MAGI2: variants seen among roughly 807,000 people sequenced by gnomAD.
MAGI2 encodes membrane-associated guanylate kinase, WW and PDZ domain-containing protein 2.
MAGI2 carries 35 observed loss-of-function variants against 133.3 expected under a neutral mutation model. The ratio of observed to expected loss-of-function variants is 0.26; its 90% confidence interval spans 0.20 to 0.35. MAGI2 has a LOEUF of 0.35. MAGI2 is among the 10% of genes least tolerant of loss of function. MAGI2 has a pLI of 1.00. For synonymous variants in MAGI2, 729 were observed against 710.6 expected (o/e 1.03, Z -0.41); for missense variants, 1,636 against 1,863.4 (o/e 0.88, Z 2.25).
chr7:79,085,324 CTT>C (rs1450084216), intron 1 of MAGI2, among the ~76,000 whole-genome samples: 1 of 151,324 alleles, frequency 6.6e-6, no homozygotes, highest in Non-Finnish European at 1.5e-5. Flanking sequence ...ATTTTTGACT[CTT>C]TTTTCTAAAA....
intron 1 of MAGI2, among the ~76,000 whole-genome samples, chr7:79,328,039 C>T (rs139775361): frequency 0.01 from 1,532 of 152,250 alleles, 10 homozygotes; most frequent in Non-Finnish European, 0.016. Context: ...GTTTCAACTA[C>T]ATTTCAGTAG....
chr7:78,192,593 T>C (rs1828337561), intron 12 of MAGI2, among the ~76,000 whole-genome samples: 1 of 150,250 alleles, frequency 6.7e-6, no homozygotes, highest in Non-Finnish European at 1.5e-5. Context: ...TCAGAGAGAC[T>C]AGAGAAAGTG....
At chr7:78,751,604 A>G (rs1823467180) in intron 2 of MAGI2, among the ~76,000 whole-genome samples, 1 of 152,210 alleles carries the variant, frequency 6.6e-6, no homozygotes. Context: ...TTAGGAACAG[A>G]CTGCATGATA....
intron 3 of MAGI2, among the ~76,000 whole-genome samples, chr7:78,555,920 T>C (rs1334780834): frequency 6.6e-6 from 1 of 152,156 alleles, no homozygotes; most frequent in African/African-American, 2.4e-5. Context: ...TCTCAAATAC[T>C]AAAAGCACAT....
intron 9 of MAGI2, among the ~76,000 whole-genome samples, chr7:78,339,180 G>A (rs1790094560): frequency 6.6e-6 from 1 of 152,156 alleles, no homozygotes. Context: ...TATAGCCCTG[G>A]TGCACTGCAA....
rs73375243 is a variant in MAGI2, at chr7:78,918,681, C to T, written c.418+88409G>A. On this transcript the variant is annotated intron_variant, in intron 2 of 21. Transcript: ENST00000354212. ...CATTTTTGAAAAGGTTATATAACTA[C>T]TGGAGACAAAGTTAAGTTTTTCCAT... 9.5e-3 allele frequency among the ~76,000 whole-genome samples: 1,449 copies of T among 152,184 alleles called. 27 individuals carry two copies. The highest frequency in any genetic ancestry group is 0.033 in the African/African-American group (1,360 of 41,520).
intron 2 of MAGI2, among the ~76,000 whole-genome samples, chr7:78,867,372 G>T (rs1350940675): frequency 6.6e-6 from 1 of 150,444 alleles, no homozygotes; most frequent in Non-Finnish European, 1.5e-5. Flanking sequence ...AAAAAATGAT[G>T]AGTTCATGTC....
rs531639120 is a variant in MAGI2 at position 79,028,299 on chromosome 7, A to G, written c.302-21093T>C. ...TATGTATATATATATATATGTGTGT[A>G]TATATATATATATACACACATATAT... On this transcript the variant is annotated intron_variant, in intron 1 of 21. Coordinates refer to ENST00000354212, the MANE Select transcript of MAGI2 (RefSeq NM_012301.4). Among the ~76,000 whole-genome samples the G allele has an allele frequency of 9.9e-3, 842 of 84,996 alleles. 34 individuals carry two copies. The highest frequency in any genetic ancestry group is 0.044 in the African/African-American group (789 of 17,808). The allele number at this position is 84,996 out of a possible 152,430, so 55.8% of individuals were successfully genotyped here.
At chr7:79,038,228 AAGTC>A (rs1399734454) in intron 1 of MAGI2, among the ~76,000 whole-genome samples, 1 of 152,192 alleles carries the variant, frequency 6.6e-6, no homozygotes, top group Non-Finnish European at 1.5e-5. Flanking sequence ...TTTTACAAGA[AAGTC>A]AGGTAAAATG....
chr7:78,266,529 G>A (rs1794024312), intron 9 of MAGI2, among the ~76,000 whole-genome samples: 1 of 151,836 alleles, frequency 6.6e-6, no homozygotes, highest in South Asian at 2.1e-4. Context: ...CCAGAGGAAA[G>A]TAGAATTTAG....
chr7:79,123,992 T>C (rs1209400607), intron 1 of MAGI2, among the ~76,000 whole-genome samples: 1 of 152,122 alleles, frequency 6.6e-6, no homozygotes, highest in Non-Finnish European at 1.5e-5. Context: ...CTGTTGTTCT[T>C]CCCTCTAAAT....
intron 4 of MAGI2, among the ~76,000 whole-genome samples, chr7:78,514,208 C>T (rs1795849765): frequency 6.7e-6 from 1 of 150,338 alleles, no homozygotes; most frequent in Non-Finnish European, 1.5e-5. Context: ...TCCTGATTTC[C>T]CTTACTAAAA....
At chr7:78,912,479 G>T in intron 2 of MAGI2, among the ~76,000 whole-genome samples, 1 of 151,972 alleles carries the variant, frequency 6.6e-6, no homozygotes, top group East Asian at 1.9e-4. Flanking sequence ...CCCTTAATCT[G>T]GGTGGGCACA....
At chr7:78,668,021 C>G (rs321988) in intron 2 of MAGI2, among the ~76,000 whole-genome samples, 2 of 152,142 alleles carry the variant, frequency 1.3e-5, no homozygotes, top group East Asian at 3.9e-4. Flanking sequence ...TGTAAAAGTG[C>G]TCCTATTTCT....
At chr7:78,571,303 G>A (rs1400678730) in intron 3 of MAGI2, among the ~76,000 whole-genome samples, 4 of 152,048 alleles carry the variant, frequency 2.6e-5, no homozygotes, top group Non-Finnish European at 5.9e-5. Context: ...TAGGGAATGG[G>A]GCCTCTTTGG....
At chr7:78,585,430 A>T (rs1287786076) in intron 3 of MAGI2, among the ~76,000 whole-genome samples, 1 of 152,204 alleles carries the variant, frequency 6.6e-6, no homozygotes, top group Non-Finnish European at 1.5e-5. Flanking sequence ...GAAGAACTGC[A>T]GTCTCTACCT....
intron 2 of MAGI2, among the ~76,000 whole-genome samples, chr7:78,798,457 T>C (rs930956585): frequency 1.3e-5 from 2 of 152,180 alleles, no homozygotes; most frequent in Non-Finnish European, 2.9e-5. Context: ...AATAAATTCA[T>C]TGGTCATGCC....
intron 3 of MAGI2, among the ~76,000 whole-genome samples, chr7:78,586,008 T>TCTATATG (rs1803360957): frequency 1.3e-5 from 2 of 152,160 alleles, no homozygotes. Flanking sequence ...CTATTTTAGG[T>TCTATATG]AGACAAAGTA....
At chr7:79,042,449 C>T (rs147163498) in intron 1 of MAGI2, among the ~76,000 whole-genome samples, 405 of 152,258 alleles carry the variant, frequency 2.7e-3, no homozygotes, top group African/African-American at 9.0e-3. Context: ...CTCTTGAAGA[C>T]AGCATATAGT....
Sources: allele counts gnomAD v4.1 joint callset (sites outside exome capture counted in the v4.1 genomes callset), GRCh38; gene constraint gnomAD v4.1.1; transcripts MANE v1.5; gene names NCBI Gene and HGNC (gene_info 2026-07-23, HGNC 2026-07-21).